Variants in WDR1 observed in about 807,000 individuals in gnomAD.
WDR1 encodes the protein WD repeat domain 1.
Under a neutral mutation model 71.9 loss-of-function variants are expected in WDR1, and 21 were observed. The observed-to-expected ratio is 0.29, with a 90% CI of 0.21 to 0.42. WDR1 has a LOEUF of 0.42. Ranked by LOEUF, WDR1 falls within the 10% of genes least tolerant of loss-of-function variation. The pLI is 1.00. For synonymous variants in WDR1, 424 were observed against 347.4 expected (o/e 1.22, Z -2.45); for missense variants, 696 against 824.5 (o/e 0.84, Z 1.91).
At chr4:10,101,362 G>A (rs1391789934) in intron 3 of WDR1, among the ~76,000 whole-genome samples, 1 of 152,206 alleles carries the variant, frequency 6.6e-6, no homozygotes, top group Non-Finnish European at 1.5e-5. Context: ...CCACTTAGTG[G>A]GCCAGCACGG....
intron 2 of WDR1, among the ~76,000 whole-genome samples, chr4:10,106,754 G>A (rs935600567): frequency 6.6e-6 from 1 of 152,190 alleles, no homozygotes; most frequent in Non-Finnish European, 1.5e-5. Context: ...AATACAACTG[G>A]GTCAGCGGTG....
At chr4:10,109,462 T>C (rs932389303) in intron 2 of WDR1, among the ~76,000 whole-genome samples, 8 of 152,214 alleles carry the variant, frequency 5.3e-5, no homozygotes, top group African/African-American at 1.7e-4. Context: ...GAGAATAAAG[T>C]CTGCACTGGC....
Position 10,087,861 on chromosome 4 carries a change from T to G in WDR1, c.797A>C (p.Asn266Thr). 1.3e-6 allele frequency: 2 copies of G among 1,571,572 alleles called. No individual in the cohort carries two copies. Among genetic ancestry groups the G allele is most frequent in the East Asian group, 2.3e-5 (1 of 42,756 alleles). The change falls in exon 8 of 15, where the codon AAC becomes ACC. Residue 266 changes from asparagine to threonine, a missense_variant. Coordinates refer to ENST00000499869, the MANE Select transcript of WDR1 (RefSeq NM_017491.5). Reference protein sequence around the residue: ...KTSKIWDVSVNSVVSTFPMGS... With the variant: ...KTSKIWDVSVTSVVSTFPMGS... ...CATGGGAAATGTGCTGACCACGGAG[T>G]TCACGCTGACGTCCCAAATCTTGGA...
intron 8 of WDR1, among the ~76,000 whole-genome samples, chr4:10,086,098 G>T (rs942465524): frequency 1.3e-5 from 2 of 152,180 alleles, no homozygotes; most frequent in African/African-American, 4.8e-5. Flanking sequence ...GAACACTGTC[G>T]GGGATGGCTC....
intron 2 of WDR1, among the ~76,000 whole-genome samples, chr4:10,113,616 G>C (rs752091373): frequency 6.6e-6 from 1 of 152,216 alleles, no homozygotes; most frequent in Non-Finnish European, 1.5e-5. Flanking sequence ...AGGGCAACAA[G>C]GGTGAAAGCA....
chr4:10,096,730 G>A (rs1712372062), intron 5 of WDR1: 2 of 152,184 alleles, frequency 1.3e-5, no homozygotes, highest in African/African-American at 4.8e-5. Flanking sequence ...TCCTCACTGA[G>A]CCACTTTAAG....
At chr4:10,085,501 C>G (rs1427792713) in intron 8 of WDR1, among the ~76,000 whole-genome samples, 4 of 152,214 alleles carry the variant, frequency 2.6e-5, no homozygotes, top group African/African-American at 7.2e-5. Context: ...CCCACCAGTC[C>G]CTTACAGCGC....
intron 2 of WDR1, among the ~76,000 whole-genome samples, chr4:10,109,615 TG>T (rs1713226470): frequency 6.6e-6 from 1 of 152,200 alleles, no homozygotes; most frequent in Admixed American, 6.5e-5. Flanking sequence ...GAAACAGGCC[TG>T]GGGGTACTCA....
chr4:10,108,964 T>C (rs1469181706), intron 2 of WDR1, among the ~76,000 whole-genome samples: 3 of 152,214 alleles, frequency 2.0e-5, no homozygotes, highest in Non-Finnish European at 4.4e-5. Context: ...TGGGGAAGGT[T>C]CACACTTGAT....
At position 10,114,767 on chromosome 4, in the gene WDR1, G is replaced by A. The variant is rs1401190230; in HGVS notation, c.138+1346C>T. ...TAAGCAAGGCCCTTCGGCTTTCTAGGAATCTGTGTGACTAGCAAGTTGTTA... is the reference window on the plus strand; with the variant it reads ...TAAGCAAGGCCCTTCGGCTTTCTAGAAATCTGTGTGACTAGCAAGTTGTTA... On this transcript the variant is annotated intron_variant, in intron 2 of 14. Transcript: ENST00000499869. Among the ~76,000 whole-genome samples, 4 of 152,166 alleles carry A rather than the reference G, an allele frequency of 2.6e-5. No individual in the cohort carries two copies. The East Asian group carries it at 7.7e-4, about 29-fold the overall frequency.
At position 10,105,654 on chromosome 4, in the gene WDR1, G is replaced by T. The variant is rs1259977454; in HGVS notation, c.139-1668C>A. ...CAAGGGTAGAGGGGTGGGGACACTG[G>T]AATGTTCACACTGCTGGTGGAAATG... On this transcript the variant is annotated intron_variant, in intron 2 of 14. Transcript: ENST00000499869. Among the ~76,000 whole-genome samples, 7 of 152,304 alleles carry T rather than the reference G, an allele frequency of 4.6e-5. No homozygotes were observed. The East Asian group carries it at 1.2e-3, about 25-fold the overall frequency.
chr4:10,103,950 G>A lies in WDR1; in HGVS notation c.175C>T (p.His59Tyr), dbSNP rs1305637488. The change falls in exon 3 of 15, where the codon CAT becomes TAT. Residue 59 changes from histidine (H) to tyrosine (Y), a missense_variant. Physicochemically the swap from His to Tyr is moderately conservative, Grantham distance 83 (BLOSUM62 2). Coordinates refer to ENST00000499869, the MANE Select transcript of WDR1 (RefSeq NM_017491.5). ...GCATACTTGGCCACCACCACCTGAT[G>A]GGCGTGCTCTGTGTAGATGTCAGCA... is the stretch of plus-strand genomic sequence containing the variant. The part of the protein sequence containing the change: ...ALADIYTEHA[H>Y]QVVVAKYAPS... 3 of 1,603,126 alleles carry A rather than the reference G, an allele frequency of 1.9e-6. No individual in the cohort carries two copies. Among genetic ancestry groups the A allele is most frequent in the African/African-American group, 2.7e-5 (2 of 74,684 alleles).
chr4:10,101,194 G>A (rs888924658), intron 3 of WDR1, among the ~76,000 whole-genome samples: 3 of 152,264 alleles, frequency 2.0e-5, no homozygotes, highest in Non-Finnish European at 4.4e-5. Context: ...AATGACCTGT[G>A]CACTGAGGAC....
At position 10,084,391 on chromosome 4, in the gene WDR1, T is replaced by C. The variant is rs2241474; in HGVS notation, c.1039+52A>G. On this transcript the variant is annotated intron_variant, in intron 9 of 14. Coordinates refer to ENST00000499869, the MANE Select transcript of WDR1 (RefSeq NM_017491.5). ...CCTCTGGCATCATGGGAACAGGAAA[T>C]TCCCCCCTAGAGCCAGCGGCTCCGG... 0.49 allele frequency: 758,990 copies of C among 1,549,316 alleles called. 190,929 individuals are homozygous for C. The highest frequency in any genetic ancestry group is 0.59 in the South Asian group (50,835 of 86,144).
chr4:10,105,900 A>C (rs1290194184), intron 2 of WDR1, among the ~76,000 whole-genome samples: 1 of 152,272 alleles, frequency 6.6e-6, no homozygotes. Context: ...ACAGAGAAAC[A>C]GGCAACACAC....
At chr4:10,107,706 G>A (rs116825886) in intron 2 of WDR1, among the ~76,000 whole-genome samples, 27 of 152,166 alleles carry the variant, frequency 1.8e-4, no homozygotes, top group Non-Finnish European at 5.9e-5. Flanking sequence ...CTCGAGACAA[G>A]CCCCAGAATT....
In WDR1 at chr4:10,093,190, C is replaced by A. The variant is rs554700185; in HGVS notation, c.559-4449G>T. 5 of 1,274,608 alleles carry A rather than the reference C, an allele frequency of 3.9e-6. No individual in the cohort carries two copies. In the African/African-American group the frequency reaches 6.1e-5, roughly 16 times the overall value. The allele number at this position is 1,274,608 out of a possible 1,614,324, so 79.0% of individuals were successfully genotyped here. On this transcript the variant is annotated intron_variant, in intron 5 of 14. Coordinates refer to ENST00000499869, the MANE Select transcript of WDR1 (RefSeq NM_017491.5). ...CTACCTACCTAGTCAGCTCAGGAAC[C>A]CTCTGGGAGCCCACCCCATTCCCCC...
chr4:10,083,253 T>G, intron 9 of WDR1, 75 bp from the exon 10 acceptor site: 1 of 1,503,070 alleles, frequency 6.7e-7, no homozygotes, highest in South Asian at 1.3e-5. Context: ...GTCCTAAGAT[T>G]CTCCATTTAC....
At chr4:10,093,279 A>G (rs1712123783) in intron 5 of WDR1, 2 of 548,770 alleles carry the variant, frequency 3.6e-6, no homozygotes, top group African/African-American at 2.0e-5. Flanking sequence ...TCACATGCCT[A>G]TGAGCTGGTA....
Sources: allele counts gnomAD v4.1 joint callset (sites outside exome capture counted in the v4.1 genomes callset), GRCh38; gene constraint gnomAD v4.1.1; transcripts MANE v1.5; gene names NCBI Gene and HGNC (gene_info 2026-07-23, HGNC 2026-07-21).